DEPDC1: variants seen among roughly 807,000 people sequenced by gnomAD.
DEPDC1 encodes DEP domain-containing protein 1A.
A neutral mutation model predicts 86.8 loss-of-function variants in DEPDC1; 66 were observed. That is an observed-to-expected ratio of 0.76 (90% CI 0.62 to 0.93). The LOEUF (loss-of-function observed/expected upper bound fraction) is 0.93. DEPDC1 is among the 40% of genes least tolerant of loss of function. The probability of loss-of-function intolerance (pLI) is 0.00; values close to 1 mark genes in which losing one functional copy is unlikely to be tolerated. For missense variants in DEPDC1, 792 were observed against 935.7 expected, an observed-to-expected ratio of 0.85 and a Z score of 2.00; for synonymous variants, 255 against 314.9, an observed-to-expected ratio of 0.81 and a Z score of 2.02.
In DEPDC1 at chr1:68,482,175, C is replaced by A. The variant is rs1326629985; in HGVS notation, c.1633G>T (p.Val545Leu). 6.2e-7 allele frequency: 1 copy of A among 1,612,942 alleles called. No homozygotes were observed. The highest frequency in any genetic ancestry group is 1.7e-5 in the Admixed American group (1 of 59,916). The change falls in exon 8 of 12, where the codon GTG (valine) becomes TTG (leucine). Residue 545 changes from valine (V) to leucine (L), a missense_variant. Transcript: ENST00000456315. ...AGTTCACTTTCCATAGCTGTTTGCA[C>A]ACTTGTGCTGCCTTGTCCAACATTT... is the stretch of plus-strand genomic sequence containing the variant. ...KPNVGQGSTS[V>L]QTAMESELGE... is the part of the protein sequence containing the mutation.
intron 4 of DEPDC1, among the ~76,000 whole-genome samples, 155 bp from the exon 5 acceptor site, chr1:68,488,659 A>C (rs1210606289): frequency 6.6e-6 from 1 of 151,860 alleles, no homozygotes; most frequent in Non-Finnish European, 1.5e-5. Flanking sequence ...TTATCTCAAT[A>C]ATCTTAAAAG....
chr1:68,479,328 A>C lies in DEPDC1; in HGVS notation c.1936-8T>G. 4.5e-6 allele frequency: 7 copies of C among 1,562,498 alleles called. No homozygotes were observed. The highest frequency in any genetic ancestry group is 6.1e-6 in the Non-Finnish European group (7 of 1,155,094). ...AGAAAAGGTATGTATCATCTAGAAA[A>C]ATATTAAAAGATGTGAATTTAAAAA... On this transcript the variant is annotated splice_polypyrimidine_tract_variant and splice_region_variant and intron_variant, in intron 9 of 11. Coordinates refer to ENST00000456315, the MANE Select transcript of DEPDC1 (RefSeq NM_001114120.3).
At chr1:68,494,718 T>C in intron 1 of DEPDC1, 23 bp from the exon 2 acceptor site, 1 of 1,577,842 alleles carries the variant, frequency 6.3e-7, no homozygotes, top group Non-Finnish European at 8.6e-7. Flanking sequence ...GGAAAATATT[T>C]TTAAAAAATT....
Position 68,482,576 on chromosome 1 carries a change from T to A in DEPDC1, c.1232A>T (p.Asp411Val). ...HNLIGLSNMH[D>V]LSSNSKPRCC... is the part of the protein sequence containing the mutation. Reference sequence around the variant, plus strand: ...CCTTGGTTTGCTGTTAGAGGATAGATCATGCATATTACTTAACCCTATTAA... The same window carrying A: ...CCTTGGTTTGCTGTTAGAGGATAGAACATGCATATTACTTAACCCTATTAA... Residue 411 changes from aspartate to valine, a missense_variant, in exon 8 of 12, where the codon GAT becomes GTT. Asp to Val is a radical substitution (Grantham distance 152). Transcript: ENST00000456315. 6.2e-7 allele frequency: 1 copy of A among 1,613,140 alleles called. No individual in the cohort carries two copies. The highest frequency in any genetic ancestry group is 8.5e-7 in the Non-Finnish European group (1 of 1,179,364).
intron 2 of DEPDC1, among the ~76,000 whole-genome samples, chr1:68,490,353 A>G (rs1261615365): frequency 6.6e-6 from 1 of 150,840 alleles, no homozygotes; most frequent in Non-Finnish European, 1.5e-5. Context: ...TCCCACTTGT[A>G]AGTGAGAGCA....
intron 2 of DEPDC1, among the ~76,000 whole-genome samples, chr1:68,490,287 T>C (rs1051392309): frequency 1.3e-5 from 2 of 152,144 alleles, no homozygotes; most frequent in Non-Finnish European, 2.9e-5. Flanking sequence ...CATTGTCCAA[T>C]AGGCCCCAGT....
chr1:68,488,595 A>AT (rs1310299569), intron 4 of DEPDC1, 91 bp from the exon 5 acceptor site: 58 of 1,152,586 alleles, frequency 5.0e-5, no homozygotes, highest in Non-Finnish European at 6.6e-5. Flanking sequence ...AGAATATTTT[A>AT]TTTTTTTAAC....
chr1:68,477,787 C>A lies in DEPDC1; in HGVS notation c.2298G>T (p.Gln766His). 2.7e-6 allele frequency: 4 copies of A among 1,494,264 alleles called. No homozygotes were observed. Among genetic ancestry groups the A allele is most frequent in the Non-Finnish European group, 3.6e-6 (4 of 1,113,024 alleles). 92.6% of individuals were successfully genotyped at this position (1,494,264 alleles called of 1,614,324 possible). Residue 766 changes from glutamine to histidine, a missense_variant and splice_region_variant, in exon 11 of 12, where the codon CAG (glutamine) becomes CAT (histidine). Coordinates refer to ENST00000456315, the MANE Select transcript of DEPDC1 (RefSeq NM_001114120.3). Reference sequence around the variant, plus strand: ...ATTGAGAACTTGCTCATTCTCTTACCTGTTTTAGTTTTTTTCTTTTCTCCT... The same window carrying A: ...ATTGAGAACTTGCTCATTCTCTTACATGTTTTAGTTTTTTTCTTTTCTCCT... ...PLKEKRKKLK[Q>H]FQKEYPLIYQ...
rs369990247 is a variant in DEPDC1, at chr1:68,481,424, T to A, written c.1935+16A>T. On this transcript the variant is annotated intron_variant, in intron 9 of 11. Transcript: ENST00000456315. ...TTATGAATCAGACTTATTCTTTCTA[T>A]AAGAAATCAACTTACCAGTGACCTC... The A allele has an allele frequency of 2.5e-6, 4 of 1,602,572 alleles. No individual in the cohort carries two copies. The Admixed American group carries it at 6.8e-5, about 27-fold the overall frequency.
chr1:68,482,198 T>C lies in DEPDC1; in HGVS notation c.1610A>G (p.Asn537Ser). ...TPVAEIIMKP[N>S]VGQGSTSVQT... The stretch of plus-strand genomic sequence containing the variant: ...CACACTTGTGCTGCCTTGTCCAACA[T>C]TTGGTTTCATGATAATTTCAGCCAC... The change falls in exon 8 of 12, where the codon AAT becomes AGT. Residue 537 changes from asparagine to serine, a missense_variant. Coordinates refer to ENST00000456315, the MANE Select transcript of DEPDC1 (RefSeq NM_001114120.3). The C allele has an allele frequency of 1.9e-6, 3 of 1,612,972 alleles. No homozygotes were observed. The highest frequency in any genetic ancestry group is 2.5e-6 in the Non-Finnish European group (3 of 1,179,226).
chr1:68,491,588 TA>T (rs1557622605), intron 2 of DEPDC1, among the ~76,000 whole-genome samples: 3 of 151,976 alleles, frequency 2.0e-5, no homozygotes, highest in African/African-American at 7.2e-5. Context: ...ACTCCTTTTT[TA>T]AAAAAAATGA....
intron 9 of DEPDC1, among the ~76,000 whole-genome samples, chr1:68,480,898 G>C (rs1050324177): frequency 6.6e-6 from 1 of 151,944 alleles, no homozygotes; most frequent in African/African-American, 2.4e-5. Context: ...ACTATTTCAA[G>C]AGTTCATTTC....
At chr1:68,490,849 A>G (rs1285011988) in intron 2 of DEPDC1, among the ~76,000 whole-genome samples, 2 of 152,136 alleles carry the variant, frequency 1.3e-5, no homozygotes, top group Non-Finnish European at 2.9e-5. Flanking sequence ...TAGACTAATG[A>G]AACAGAATAC....
intron 10 of DEPDC1, 62 bp from the exon 11 acceptor site, chr1:68,478,034 T>C: frequency 8.1e-7 from 1 of 1,240,636 alleles, no homozygotes; most frequent in Non-Finnish European, 1.1e-6. Flanking sequence ...TGATAAAGTA[T>C]TCTTTTGATG....
intron 5 of DEPDC1, 38 bp downstream of exon 5, chr1:68,488,335 GC>G (rs746456630): frequency 1.3e-6 from 2 of 1,542,744 alleles, no homozygotes; most frequent in South Asian, 2.6e-5. Context: ...AACCTTGTTG[GC>G]AAGTTTTTAA....
intron 11 of DEPDC1, 108 bp downstream of exon 11, chr1:68,477,679 T>TAAA: frequency 1.3e-6 from 1 of 777,912 alleles, no homozygotes; most frequent in Non-Finnish European, 1.9e-6. Flanking sequence ...AACTCAAACT[T>TAAA]AAAATCTAAA....
Position 68,476,772 on chromosome 1 carries a change from A to G in DEPDC1, c.*160T>C. The G allele has an allele frequency of 3.5e-6, 2 of 577,186 alleles. No individual in the cohort carries two copies. Among genetic ancestry groups the G allele is most frequent in the Non-Finnish European group, 5.8e-6 (2 of 345,292 alleles). 35.8% of individuals were successfully genotyped at this position (577,186 alleles called of 1,614,324 possible). On this transcript the variant is annotated 3_prime_UTR_variant, in exon 12 of 12. Coordinates refer to ENST00000456315, the MANE Select transcript of DEPDC1 (RefSeq NM_001114120.3). ...TCAATTGAGATCTAGTTAGTTTCCTAAGAGTCTCACATTGATAACTATTTT... is the reference window on the plus strand; with the variant it reads ...TCAATTGAGATCTAGTTAGTTTCCTGAGAGTCTCACATTGATAACTATTTT...
chr1:68,476,825 T>C lies in DEPDC1; in HGVS notation c.*107A>G, dbSNP rs927491456. On this transcript the variant is annotated 3_prime_UTR_variant, in exon 12 of 12. Transcript: ENST00000456315. ...CACTTCCTTACATAATGTGTTTATT[T>C]AGAAATACCTTATTAATGACAGACT... is the stretch of plus-strand genomic sequence containing the variant. 9.7e-7 allele frequency: 1 copy of C among 1,032,772 alleles called. No individual in the cohort carries two copies. The highest frequency in any genetic ancestry group is 1.4e-6 in the Non-Finnish European group (1 of 738,210). The allele number at this position is 1,032,772 out of a possible 1,614,324, so 64.0% of individuals were successfully genotyped here.
chr1:68,481,631 C>CT lies in DEPDC1; in HGVS notation c.1763-20_1763-19insA, dbSNP rs1646156541. The CT allele has an allele frequency of 8.9e-6, 13 of 1,468,060 alleles. No homozygotes were observed. The highest frequency in any genetic ancestry group is 1.2e-5 in the Non-Finnish European group (13 of 1,104,098). The allele number at this position is 1,468,060 out of a possible 1,614,324, so 90.9% of individuals were successfully genotyped here. ...AGCAAGCCTAGAATACAAAAATACC[C>CT]CCCCAAAAATCATCAATGACACTAG... On this transcript the variant is annotated intron_variant, in intron 8 of 11. Coordinates refer to ENST00000456315, the MANE Select transcript of DEPDC1 (RefSeq NM_001114120.3).
Sources: gnomAD v4.1 joint callset for allele counts (sites outside exome capture counted in the v4.1 genomes callset) on GRCh38, gnomAD v4.1.1 for gene constraint, MANE v1.5 for transcripts, NCBI Gene and HGNC (gene_info 2026-07-23, HGNC 2026-07-21) for gene names.